The following VPS13C variants were observed in gnomAD, a reference collection of about 807,000 sequenced individuals.
VPS13C encodes vacuolar protein sorting 13 homolog C, also known as intermembrane lipid transfer protein VPS13C.
VPS13C carries 358 observed loss-of-function variants against 456.8 expected under a neutral mutation model. The ratio of observed to expected loss-of-function variants is 0.78; its 90% CI spans 0.72 to 0.86. The LOEUF (loss-of-function observed/expected upper bound fraction) is 0.86, where lower values mean the gene tolerates loss of function less well. Ranked by LOEUF, VPS13C falls within the 40% of genes least tolerant of loss-of-function variation. The pLI is 0.00. For missense variants in VPS13C, 4,818 were observed against 4,385.4 expected, an observed-to-expected ratio of 1.10 and a Z score of -2.79; for synonymous variants, 1,578 against 1,486.7, an observed-to-expected ratio of 1.06 and a Z score of -1.41.
intron 29 of VPS13C, among the ~76,000 whole-genome samples, chr15:61,966,675 C>T (rs1429963276): frequency 2.0e-5 from 3 of 151,922 alleles, no homozygotes; most frequent in African/African-American, 7.2e-5. Flanking sequence ...TGTGAGAAGT[C>T]TTCTGGCCTT....
At chr15:61,997,322 T>G (rs940513389) in intron 16 of VPS13C, among the ~76,000 whole-genome samples, 1 of 152,160 alleles carries the variant, frequency 6.6e-6, no homozygotes, top group Non-Finnish European at 1.5e-5. Flanking sequence ...TCCCTCTGAT[T>G]GTAACAATAG....
chr15:62,053,133 C>A (rs1220887914), intron 1 of VPS13C, among the ~76,000 whole-genome samples: 1 of 152,160 alleles, frequency 6.6e-6, no homozygotes, highest in Non-Finnish European at 1.5e-5. Flanking sequence ...ATATGTATTA[C>A]ACTAATGACC....
chr15:61,985,369 G>A (rs1209593647), intron 18 of VPS13C, among the ~76,000 whole-genome samples: 1 of 152,158 alleles, frequency 6.6e-6, no homozygotes, highest in African/African-American at 2.4e-5. Context: ...CGACTCTCCT[G>A]CCTCAGCCTC....
rs757866822 is a variant in VPS13C at position 61,983,875 on chromosome 15, G to A, written c.1859C>T (p.Pro620Leu). The A allele has an allele frequency of 8.1e-6, 13 of 1,613,998 alleles. No homozygotes were observed. The Admixed American group carries it at 1.3e-4, about 17-fold the overall frequency. Residue 620 changes from proline to leucine, a missense_variant, in exon 20 of 85, where the codon CCT becomes CTT. Transcript: ENST00000644861. ...CTGAACAATCAGAGTCTGGTCAGCA[G>A]GACTATCCTCCGGATTGGTTTCAAA... ...IKFETNPEDS[P>L]ADQTLIVQSQ... is the part of the protein sequence containing the mutation.
At chr15:61,985,609 G>T (rs1008511324) in intron 18 of VPS13C, among the ~76,000 whole-genome samples, 13 of 152,154 alleles carry the variant, frequency 8.5e-5, no homozygotes, top group African/African-American at 3.1e-4. Flanking sequence ...GCATTTTGTG[G>T]CATAAAGATT....
Position 61,911,844 on chromosome 15 carries a change from G to T in VPS13C, c.8711C>A (p.Ser2904Ter). 6.3e-7 allele frequency: 1 copy of T among 1,592,004 alleles called. No individual in the cohort carries two copies. Among genetic ancestry groups the T allele is most frequent in the South Asian group, 1.2e-5 (1 of 85,826 alleles). The change falls in exon 63 of 85, where the codon TCA (serine) becomes TAA (stop). Residue 2904 changes from serine (S) to a stop codon, truncating the protein, a stop_gained. Transcript: ENST00000644861. LOFTEE classifies it high-confidence loss of function. ...PTNKWNYIAS[S>*]ECLPFWPESL... is the part of the protein sequence containing the mutation. Reference sequence around the variant, plus strand: ...TGTAACAAAGAAAAATGCTACCTCTGAAGAAGCAATATAGTTCCATTTATT... The same window carrying T: ...TGTAACAAAGAAAAATGCTACCTCTTAAGAAGCAATATAGTTCCATTTATT...
rs912480660 is a variant in VPS13C, at chr15:61,919,399, G to A, written c.7528C>T (p.Arg2510Trp). ...VANIPVARPG[R>W]RLYNVRNPNA... ...GGATTCCGTACATTATACAATCGCC[G>A]TCCAGGTCTGGCCACAGGGATATTT... is the stretch of plus-strand genomic sequence containing the variant. The change falls in exon 58 of 85, where the codon CGG becomes TGG. Residue 2510 changes from arginine (R) to tryptophan (W), a missense_variant. Arg to Trp is a moderately radical substitution (Grantham distance 101, BLOSUM62 -3). This residue lies in a region of VPS13C where 4,552 missense variants were observed against 4,130.6 expected (regional missense o/e 1.10). Coordinates refer to ENST00000644861, the MANE Select transcript of VPS13C (RefSeq NM_020821.3). 1.5e-5 allele frequency: 24 copies of A among 1,600,306 alleles called. No homozygotes were observed. Among genetic ancestry groups the A allele is most frequent in the Admixed American group, 6.9e-5 (4 of 57,664 alleles).
At chr15:61,936,122 A>G (rs571365878) in intron 48 of VPS13C, among the ~76,000 whole-genome samples, 10 of 152,356 alleles carry the variant, frequency 6.6e-5, no homozygotes, top group African/African-American at 2.4e-4. Context: ...CACTGCTTTT[A>G]ATAGGTTCAA....
intron 58 of VPS13C, 41 bp from the exon 59 acceptor site, chr15:61,918,298 T>C: frequency 2.0e-6 from 3 of 1,486,404 alleles, no homozygotes; most frequent in Non-Finnish European, 2.7e-6. Flanking sequence ...AAAAGATATG[T>C]AAGTTCGAAA....
chr15:62,013,186 T>C (rs184607181), intron 10 of VPS13C, 67 bp from the exon 11 acceptor site: 1 of 1,228,078 alleles, frequency 8.1e-7, no homozygotes, highest in African/African-American at 1.5e-5. Context: ...TATTAAAAGA[T>C]TATTCTCATG....
At position 61,895,910 on chromosome 15, in the gene VPS13C, AC is replaced by A. The variant is rs145766297; in HGVS notation, c.9106-5511del. ...TGTCCTATAGCATTATAGGATGACT[AC>A]AGTTAACAATATTATTATATAGTTT... is the stretch of plus-strand genomic sequence containing the variant. On this transcript the variant is annotated intron_variant, in intron 66 of 84. Transcript: ENST00000644861. Among the ~76,000 whole-genome samples the A allele has an allele frequency of 4.7e-4, 71 of 152,292 alleles. No individual in the cohort carries two copies. The East Asian group carries it at 0.012, about 27-fold the overall frequency.
At chr15:61,909,911 G>A (rs1397986266) in intron 64 of VPS13C, among the ~76,000 whole-genome samples, 2 of 147,476 alleles carry the variant, frequency 1.4e-5, no homozygotes, top group African/African-American at 5.0e-5. Flanking sequence ...CTCACTCATA[G>A]GTGGGAATTG....
At position 61,922,408 on chromosome 15, in the gene VPS13C, C is replaced by G. The variant is rs12907567; in HGVS notation, c.6964G>C (p.Val2322Leu). 3.1e-6 allele frequency: 5 copies of G among 1,612,494 alleles called. No individual in the cohort carries two copies. Among genetic ancestry groups the G allele is most frequent in the Admixed American group, 3.3e-5 (2 of 59,892 alleles). Residue 2322 changes from valine (V) to leucine (L), a missense_variant, in exon 54 of 85, where the codon GTG (valine) becomes CTG (leucine). By Grantham distance (32) the Val-to-Leu change is conservative (BLOSUM62 1). Coordinates refer to ENST00000644861, the MANE Select transcript of VPS13C (RefSeq NM_020821.3). Reference sequence around the variant, plus strand: ...TGATGTGGCCATACCTGTAGTGTCACGTCAGCAACAGCAGCCATTAGAGAA... The same window carrying G: ...TGATGTGGCCATACCTGTAGTGTCAGGTCAGCAACAGCAGCCATTAGAGAA... ...WTSLMAAVADVTLQVHYYNEI... is the reference protein window; with the variant it reads ...WTSLMAAVADLTLQVHYYNEI...
chr15:62,007,069 C>A (rs1489568382), intron 15 of VPS13C, among the ~76,000 whole-genome samples: 1 of 152,060 alleles, frequency 6.6e-6, no homozygotes, highest in Admixed American at 6.6e-5. Flanking sequence ...AAACCAGTCA[C>A]CTTTCCCCAA....
At chr15:62,014,955 C>T (rs994346807) in intron 9 of VPS13C, among the ~76,000 whole-genome samples, 1 of 152,082 alleles carries the variant, frequency 6.6e-6, no homozygotes, top group Non-Finnish European at 1.5e-5. Context: ...GTAATACAGA[C>T]AACTAAAGCA....
At chr15:61,872,862 T>C (rs1471670953) in intron 78 of VPS13C, among the ~76,000 whole-genome samples, 2 of 152,138 alleles carry the variant, frequency 1.3e-5, no homozygotes, top group African/African-American at 4.8e-5. Flanking sequence ...TATTAAAAAG[T>C]AATGAAAGGC....
chr15:61,865,773 T>C, intron 81 of VPS13C: 1 of 711,544 alleles, frequency 1.4e-6, no homozygotes, highest in Non-Finnish European at 1.7e-6. Flanking sequence ...TACGTGTGTA[T>C]ATATGTATGT....
chr15:61,935,302 C>A (rs751755023), intron 48 of VPS13C, among the ~76,000 whole-genome samples: 2 of 152,148 alleles, frequency 1.3e-5, no homozygotes, highest in African/African-American at 2.4e-5. Context: ...TTTTTCAACA[C>A]TGACTCTAAT....
intron 27 of VPS13C, among the ~76,000 whole-genome samples, chr15:61,970,561 C>A (rs1448254232): frequency 1.3e-5 from 2 of 151,958 alleles, no homozygotes; most frequent in African/African-American, 4.8e-5. Flanking sequence ...TTTGGGAGGC[C>A]AAGGCAGGCG....
Sources: gnomAD v4.1 joint callset for allele counts (sites outside exome capture counted in the v4.1 genomes callset) on GRCh38, gnomAD v4.1.1 for gene constraint, gnomAD v4.1.1 regional missense constraint, MANE v1.5 for transcripts, NCBI Gene and HGNC (gene_info 2026-07-23, HGNC 2026-07-21) for gene names.